Variants in KIF26B observed in about 807,000 individuals in gnomAD.
The protein encoded by KIF26B is kinesin-like protein KIF26B.
A neutral mutation model predicts 151.2 loss-of-function variants in KIF26B; 63 were observed. The ratio of observed to expected loss-of-function variants is 0.42; its 90% CI spans 0.34 to 0.51. The LOEUF (loss-of-function observed/expected upper bound fraction) is 0.51. KIF26B is among the 20% of genes least tolerant of loss of function. The pLI, the probability that KIF26B is intolerant of heterozygous loss-of-function variation, is 0.07. For missense variants in KIF26B, 2,813 were observed against 2,913.6 expected, an observed-to-expected ratio of 0.97 and a Z score of 0.79; for synonymous variants, 1,357 against 1,262.1, an observed-to-expected ratio of 1.08 and a Z score of -1.59.
chr1:245,630,906 C>G (rs1277504967), intron 9 of KIF26B, among the ~76,000 whole-genome samples: 1 of 151,962 alleles, frequency 6.6e-6, no homozygotes, highest in East Asian at 1.9e-4. Flanking sequence ...TTTTTAGTAG[C>G]TACAGTAGAT....
chr1:245,557,996 A>G (rs1662077657), intron 5 of KIF26B, among the ~76,000 whole-genome samples: 1 of 152,154 alleles, frequency 6.6e-6, no homozygotes, highest in Admixed American at 6.5e-5. Context: ...TTAGAAAAGT[A>G]GGGTCCTGGC....
At chr1:245,165,654 T>C (rs942021361) in intron 2 of KIF26B, among the ~76,000 whole-genome samples, 3 of 151,926 alleles carry the variant, frequency 2.0e-5, no homozygotes, top group African/African-American at 4.8e-5. Flanking sequence ...ACCAGTGGCC[T>C]GAGGAGCTAA....
intron 5 of KIF26B, among the ~76,000 whole-genome samples, chr1:245,579,638 C>A (rs1337827847): frequency 6.6e-6 from 1 of 150,950 alleles, no homozygotes; most frequent in Non-Finnish European, 1.5e-5. Flanking sequence ...GGAGAAACCC[C>A]ATCTCTACTA....
intron 2 of KIF26B, among the ~76,000 whole-genome samples, chr1:245,224,156 G>A (rs1043040849): frequency 1.3e-5 from 2 of 152,078 alleles, no homozygotes; most frequent in South Asian, 2.1e-4. Flanking sequence ...GTGGTGGCGC[G>A]TGCCTGTAAT....
At chr1:245,659,471 T>C (rs562414495) in intron 10 of KIF26B, among the ~76,000 whole-genome samples, 4 of 152,280 alleles carry the variant, frequency 2.6e-5, no homozygotes, top group Admixed American at 2.6e-4. Context: ...TGTTTTGTGG[T>C]ATTGTCACCT....
At chr1:245,374,324 T>C (rs1479790745) in intron 3 of KIF26B, among the ~76,000 whole-genome samples, 1 of 150,658 alleles carries the variant, frequency 6.6e-6, no homozygotes, top group Non-Finnish European at 1.5e-5. Flanking sequence ...CACCAAGTGC[T>C]GTTGTACTCA....
intron 3 of KIF26B, among the ~76,000 whole-genome samples, chr1:245,385,323 A>G (rs1313013248): frequency 1.3e-5 from 2 of 152,248 alleles, no homozygotes; most frequent in Non-Finnish European, 2.9e-5. Flanking sequence ...CCAGTGCAAC[A>G]TTTGGGGTTA....
chr1:245,331,496 G>A (rs772520507), intron 2 of KIF26B, among the ~76,000 whole-genome samples: 4 of 152,162 alleles, frequency 2.6e-5, no homozygotes, highest in Non-Finnish European at 5.9e-5. Flanking sequence ...AGAACATCGC[G>A]TCCACCCTGA....
intron 4 of KIF26B, among the ~76,000 whole-genome samples, chr1:245,482,821 T>A (rs1316533868): frequency 6.6e-6 from 1 of 151,608 alleles, no homozygotes; most frequent in African/African-American, 2.4e-5. Context: ...GTGCTGTGAG[T>A]TTCCAGTTGT....
chr1:245,157,552 A>G (rs532401015), intron 2 of KIF26B, among the ~76,000 whole-genome samples: 31 of 152,334 alleles, frequency 2.0e-4, no homozygotes, highest in African/African-American at 7.5e-4. Flanking sequence ...GGCGTTTAGG[A>G]ATGACTGCGT....
In KIF26B at chr1:245,686,206, A is replaced by G; in HGVS notation, c.3223A>G (p.Lys1075Glu). The G allele has an allele frequency of 6.2e-7, 1 of 1,612,538 alleles. No homozygotes were observed. Among genetic ancestry groups the G allele is most frequent in the Non-Finnish European group, 8.5e-7 (1 of 1,179,880 alleles). Residue 1075 changes from lysine (K) to glutamate (E), a missense_variant, in exon 12 of 15, where the codon AAG becomes GAG. Lys to Glu is a moderately conservative substitution (Grantham distance 56). This residue lies in a region of KIF26B where 2,060 missense variants were observed against 2,088.6 expected (regional missense o/e 0.99). Coordinates refer to ENST00000407071, the MANE Select transcript of KIF26B (RefSeq NM_018012.4). This position sits in a 1 kb window ranked among gnomAD's most constrained non-coding sequence, Gnocchi z 5.6. ...SPRLGIASLS[K>E]TSEYKPPSSP... ...CCGGCTGGGCATCGCCAGCCTGTCCAAGACCTCGGAGTACAAGCCACCCAG... is the reference window on the plus strand; with the variant it reads ...CCGGCTGGGCATCGCCAGCCTGTCCGAGACCTCGGAGTACAAGCCACCCAG...
rs193020221 is a variant in KIF26B at position 245,390,311 on chromosome 1, G to A, written c.999+22944G>A. On this transcript the variant is annotated intron_variant, in intron 3 of 14. Coordinates refer to ENST00000407071, the MANE Select transcript of KIF26B (RefSeq NM_018012.4). Reference sequence around the variant, plus strand: ...CGGCTCACTGCAACCTCCGCCTCCCGGGTTCAAGTGATTCTCCTGCCTCAT... The same window carrying A: ...CGGCTCACTGCAACCTCCGCCTCCCAGGTTCAAGTGATTCTCCTGCCTCAT... Among the ~76,000 whole-genome samples the A allele has an allele frequency of 4.6e-5, 7 of 151,978 alleles. No homozygotes were observed. In the South Asian group the frequency reaches 1.3e-3, roughly 27 times the overall value.
At chr1:245,466,907 C>T (rs937641991) in intron 4 of KIF26B, among the ~76,000 whole-genome samples, 2 of 152,216 alleles carry the variant, frequency 1.3e-5, no homozygotes, top group Non-Finnish European at 2.9e-5. Flanking sequence ...GCCTGGGCAA[C>T]AGACTCCATC....
Position 245,401,595 on chromosome 1 carries a change from G to A in KIF26B, c.1000-17984G>A, listed in dbSNP as rs185412769. Among the ~76,000 whole-genome samples the A allele has an allele frequency of 1.5e-3, 235 of 152,288 alleles. 1 individual carries two copies. Among genetic ancestry groups the A allele is most frequent in the African/African-American group, 5.1e-3 (214 of 41,556 alleles). On this transcript the variant is annotated intron_variant, in intron 3 of 14. Transcript: ENST00000407071. ...CAACAGTGCAAACAGCAGGCTGGGC[G>A]CGGTGGCTCACGCCTGTAATCCCAG...
Position 245,352,786 on chromosome 1 carries a change from AACCCC to A in KIF26B, c.466-14045_466-14041del, listed in dbSNP as rs1200489512. On this transcript the variant is annotated intron_variant, in intron 2 of 14. Transcript: ENST00000407071. The surrounding 1 kb of genome is among the most constrained non-coding windows in gnomAD (Gnocchi z 5.0). ...CCTGTCTTACTAGTACGGGTTCCCC[AACCCC>A]ACGACTAGAACTATCTTAGTGGTTT... Among the ~76,000 whole-genome samples the A allele has an allele frequency of 1.3e-5, 2 of 152,140 alleles. No homozygotes were observed. The highest frequency in any genetic ancestry group is 2.9e-5 in the Non-Finnish European group (2 of 68,034).
At chr1:245,275,402 C>T (rs1670920369) in intron 2 of KIF26B, among the ~76,000 whole-genome samples, 1 of 152,126 alleles carries the variant, frequency 6.6e-6, no homozygotes, top group Non-Finnish European at 1.5e-5. Flanking sequence ...AAGTCCTTGC[C>T]CATGCCTAGG....
rs570651984 is a variant in KIF26B, at chr1:245,157,271, C to G, written c.465+588C>G. Among the ~76,000 whole-genome samples, 23 of 152,358 alleles carry G rather than the reference C, an allele frequency of 1.5e-4. 1 individual carries two copies. The highest frequency in any genetic ancestry group is 5.5e-4 in the African/African-American group (23 of 41,588). On this transcript the variant is annotated intron_variant, in intron 2 of 14. Transcript: ENST00000407071. ...CTGGCCTGCTCCTGCGCCAAGCACA[C>G]TGGTTCCTCCATAGCAACCCTGCCC...
At chr1:245,646,414 G>A in intron 10 of KIF26B, 134 bp downstream of exon 10, 1 of 883,732 alleles carries the variant, frequency 1.1e-6, no homozygotes, top group East Asian at 2.7e-5. Flanking sequence ...CCAGAGACCA[G>A]CCTTAGCTAA....
intron 2 of KIF26B, among the ~76,000 whole-genome samples, chr1:245,184,460 A>T (rs1668967564): frequency 1.3e-5 from 2 of 152,092 alleles, no homozygotes; most frequent in African/African-American, 4.8e-5. Context: ...TCATCTGTGC[A>T]CACAGGTACA....
Sources: gnomAD v4.1 joint callset for allele counts (sites outside exome capture counted in the v4.1 genomes callset) on GRCh38, gnomAD v4.1.1 for gene constraint, gnomAD v4.1.1 regional missense constraint, Gnocchi (gnomAD v3.1) non-coding constraint, MANE v1.5 for transcripts, NCBI Gene and HGNC (gene_info 2026-07-23, HGNC 2026-07-21) for gene names.